Variants in RAG2 observed in about 807,000 individuals in gnomAD.
The protein encoded by RAG2 is recombination activating 2, also known as V(D)J recombination-activating protein 2.
RAG2 carries 16 observed loss-of-function variants against 31.8 expected under a neutral mutation model. That is an observed-to-expected ratio of 0.50 (90% confidence interval 0.34 to 0.76). The LOEUF (loss-of-function observed/expected upper bound fraction) is 0.76. Ranked by LOEUF, RAG2 falls within the 30% of genes least tolerant of loss-of-function variation. RAG2 has a pLI of 0.01. For synonymous variants in RAG2, 199 were observed against 215.9 expected (o/e 0.92, Z 0.68); for missense variants, 622 against 628.5 (o/e 0.99, Z 0.11).
rs1204454135 is a variant in RAG2 at position 36,592,722 on chromosome 11, C to T, written c.1447G>A (p.Glu483Lys). The T allele has an allele frequency of 1.2e-6, 2 of 1,613,364 alleles. No homozygotes were observed. Among genetic ancestry groups the T allele is most frequent in the Non-Finnish European group, 1.7e-6 (2 of 1,179,822 alleles). The change falls in exon 2 of 2, where the codon GAG becomes AAG. Residue 483 changes from glutamate to lysine, a missense_variant. Coordinates refer to ENST00000311485, the MANE Select transcript of RAG2 (RefSeq NM_000536.4). ...SNKYYCNEHV[E>K]IARALHTPQR... Reference sequence around the variant, plus strand: ...GGAGTGTGTAGAGCTCTTGCTATCTCCACATGCTCATTGCAGTAATACTTG... The same window carrying T: ...GGAGTGTGTAGAGCTCTTGCTATCTTCACATGCTCATTGCAGTAATACTTG...
intron 1 of RAG2, among the ~76,000 whole-genome samples, chr11:36,596,227 T>G (rs1054553444): frequency 4.0e-5 from 6 of 150,786 alleles, no homozygotes; most frequent in Non-Finnish European, 8.9e-5. Context: ...TTTTTGTTTT[T>G]TTTTTTTTTT....
In RAG2 at chr11:36,593,484, G is replaced by A. The variant is rs765298019; in HGVS notation, c.685C>T (p.Arg229Trp). ...LGGHSLANNIRPANLYRIRVD... is the reference protein window; with the variant it reads ...LGGHSLANNIWPANLYRIRVD... Reference sequence around the variant, plus strand: ...CTTATTCTGTACAGGTTGGCAGGCCGGATATTATTGGCAAGTGAATGTCCT... The same window carrying A: ...CTTATTCTGTACAGGTTGGCAGGCCAGATATTATTGGCAAGTGAATGTCCT... Residue 229 changes from arginine to tryptophan, a missense_variant, in exon 2 of 2, where the codon CGG (arginine) becomes TGG (tryptophan). Coordinates refer to ENST00000311485, the MANE Select transcript of RAG2 (RefSeq NM_000536.4). 8.7e-6 allele frequency: 14 copies of A among 1,613,848 alleles called. No homozygotes were observed. Among genetic ancestry groups the A allele is most frequent in the South Asian group, 2.2e-5 (2 of 91,092 alleles).
rs748017653 is a variant in RAG2 at position 36,593,418 on chromosome 11, CT to C, written c.750del (p.Val251SerfsTer13). ...GAGACAGAGATTCCTCCTGGCAAGA[CT>C]GTGCAATTCACAGCTGGGCTACCCA... is the stretch of plus-strand genomic sequence containing the variant. ...LPLGSPAVNC[T>X]VLPGGISVSS... On this transcript the variant is annotated frameshift_variant, in exon 2 of 2. Transcript: ENST00000311485. LOFTEE classifies it high-confidence loss of function. 1 of 1,614,050 alleles carries C rather than the reference CT, an allele frequency of 6.2e-7. No homozygotes were observed. The highest frequency in any genetic ancestry group is 1.1e-5 in the South Asian group (1 of 91,074).
Position 36,593,646 on chromosome 11 carries a change from C to T in RAG2, c.523G>A (p.Val175Ile). ...AAAACACAGGGCAGGCAGTCAGCTA[C>T]ACTATTCCATTTTTCTGTGGTTCTG... Reference protein sequence around the residue: ...THRTTEKWNSVADCLPCVFLV... With the variant: ...THRTTEKWNSIADCLPCVFLV... Residue 175 changes from valine to isoleucine, a missense_variant, in exon 2 of 2, where the codon GTA (valine) becomes ATA (isoleucine). By Grantham distance (29) the Val-to-Ile change is conservative (BLOSUM62 3). Coordinates refer to ENST00000311485, the MANE Select transcript of RAG2 (RefSeq NM_000536.4). 6.2e-7 allele frequency: 1 copy of T among 1,614,182 alleles called. No individual in the cohort carries two copies. Among genetic ancestry groups the T allele is most frequent in the Non-Finnish European group, 8.5e-7 (1 of 1,180,030 alleles).
chr11:36,593,140 G>C lies in RAG2; in HGVS notation c.1029C>G (p.Phe343Leu), dbSNP rs747177680. 6.2e-7 allele frequency: 1 copy of C among 1,614,114 alleles called. No individual in the cohort carries two copies. Among genetic ancestry groups the C allele is most frequent in the African/African-American group, 1.3e-5 (1 of 75,004 alleles). ...CAGCACATTTCAACATATAGAAATA[G>C]AATCCTTCTGAAACAACTTGTTTAT... ...GDNKQVVSEGFYFYMLKCAED... is the reference protein window; with the variant it reads ...GDNKQVVSEGLYFYMLKCAED... Residue 343 changes from phenylalanine (F) to leucine (L), a missense_variant, in exon 2 of 2, where the codon TTC becomes TTG. Coordinates refer to ENST00000311485, the MANE Select transcript of RAG2 (RefSeq NM_000536.4).
Position 36,593,011 on chromosome 11 carries a change from GAAAC to G in RAG2, c.1154_1157del (p.Cys385SerfsTer58), listed in dbSNP as rs767854656. ...CATCAAAACTATTTGCTTCTGCACTGAAACAAAATTCTTCAGAGTCTTCAAAGGG... is the reference window on the plus strand; with the variant it reads ...CATCAAAACTATTTGCTTCTGCACTGAAAATTCTTCAGAGTCTTCAAAGGG... On this transcript the variant is annotated frameshift_variant, in exon 2 of 2. Coordinates refer to ENST00000311485, the MANE Select transcript of RAG2 (RefSeq NM_000536.4). LOFTEE classifies it high-confidence loss of function. 6.2e-7 allele frequency: 1 copy of G among 1,614,136 alleles called. No individual in the cohort carries two copies. Among genetic ancestry groups the G allele is most frequent in the South Asian group, 1.1e-5 (1 of 91,076 alleles).
chr11:36,592,736 C>T lies in RAG2; in HGVS notation c.1433G>A (p.Cys478Tyr), dbSNP rs121918573. The T allele has an allele frequency of 3.7e-6, 6 of 1,610,610 alleles. No individual in the cohort carries two copies. Among genetic ancestry groups the T allele is most frequent in the South Asian group, 1.1e-5 (1 of 90,812 alleles). ...HLSAGSNKYY[C>Y]NEHVEIARAL... ...TCTTGCTATCTCCACATGCTCATTGCAGTAATACTTGTTGCTTCCTGCTGA... is the reference window on the plus strand; with the variant it reads ...TCTTGCTATCTCCACATGCTCATTGTAGTAATACTTGTTGCTTCCTGCTGA... The change falls in exon 2 of 2, where the codon TGC becomes TAC. Residue 478 changes from cysteine to tyrosine, a missense_variant. Coordinates refer to ENST00000311485, the MANE Select transcript of RAG2 (RefSeq NM_000536.4).
rs951628657 is a variant in RAG2, at chr11:36,592,240, T to C, written c.*345A>G. On this transcript the variant is annotated 3_prime_UTR_variant, in exon 2 of 2. Coordinates refer to ENST00000311485, the MANE Select transcript of RAG2 (RefSeq NM_000536.4). ...AATTTGTCATAAACACTTTATAGGT[T>C]ATTTGTTACCAAGACTTATATAATA... 1.0e-4 allele frequency: 28 copies of C among 273,510 alleles called. 1 individual carries two copies. Among genetic ancestry groups the C allele is most frequent in the Non-Finnish European group, 5.6e-5 (8 of 142,160 alleles). 16.9% of individuals were successfully genotyped at this position (273,510 alleles called of 1,614,324 possible). A position where few individuals can be genotyped will look rare whatever the true frequency, so the allele number is the denominator to read the frequency against.
At chr11:36,595,553 T>C (rs1210535779) in intron 1 of RAG2, among the ~76,000 whole-genome samples, 1 of 152,250 alleles carries the variant, frequency 6.6e-6, no homozygotes, top group African/African-American at 2.4e-5. Context: ...GTGTGGACTC[T>C]GAATGCTTAC....
Position 36,592,807 on chromosome 11 carries a change from G to C in RAG2, c.1362C>G (p.Val454=). ...CTGCCAGATCCATGCACTGAGCATG[G>C]ACCCAGTGCCCATCCCCATGAGAGC... ...IYCSHGDGHW[V]HAQCMDLAER... Residue 454 remains valine, a synonymous_variant, in exon 2 of 2, where the codon GTC becomes GTG. Transcript: ENST00000311485. The C allele has an allele frequency of 6.2e-7, 1 of 1,614,116 alleles. No individual in the cohort carries two copies. The highest frequency in any genetic ancestry group is 8.5e-7 in the Non-Finnish European group (1 of 1,180,034).
chr11:36,593,313 T>C lies in RAG2; in HGVS notation c.856A>G (p.Ile286Val). ...TCCTCTAAAGAGATGATGTTGCAGATCATTCTTTTTTGATTTTCAAGCTGA... is the reference window on the plus strand; with the variant it reads ...TCCTCTAAAGAGATGATGTTGCAGACCATTCTTTTTTGATTTTCAAGCTGA... ...GYQLENQKRM[I>V]CNIISLEDNK... is the part of the protein sequence containing the mutation. Residue 286 changes from isoleucine to valine, a missense_variant, in exon 2 of 2, where the codon ATC becomes GTC. Transcript: ENST00000311485. 1.2e-6 allele frequency: 2 copies of C among 1,614,146 alleles called. No homozygotes were observed. The highest frequency in any genetic ancestry group is 1.7e-6 in the Non-Finnish European group (2 of 1,180,024).
At position 36,592,853 on chromosome 11, in the gene RAG2, T is replaced by C. The variant is rs767223651; in HGVS notation, c.1316A>G (p.Asn439Ser). The C allele has an allele frequency of 8.1e-6, 13 of 1,614,114 alleles. No individual in the cohort carries two copies. The highest frequency in any genetic ancestry group is 8.5e-7 in the Non-Finnish European group (1 of 1,180,012). ...AGAGCAGTAGATCATGGCGGGTTTG[T>C]TGAGCTCAGTTGAATAGAATGGTAC... is the stretch of plus-strand genomic sequence containing the variant. ...TWVPFYSTEL[N>S]KPAMIYCSHG... is the part of the protein sequence containing the mutation. The change falls in exon 2 of 2, where the codon AAC (asparagine) becomes AGC (serine). Residue 439 changes from asparagine (N) to serine (S), a missense_variant. Physicochemically the swap from Asn to Ser is conservative, Grantham distance 46. Coordinates refer to ENST00000311485, the MANE Select transcript of RAG2 (RefSeq NM_000536.4).
In RAG2 at chr11:36,592,322, T is replaced by C. The variant is rs1449642839; in HGVS notation, c.*263A>G. Reference sequence around the variant, plus strand: ...TTCTGGGTGTTTAAGGTTTGTTGAATAAAAAATCAGATCAGAAATCCTCAG... The same window carrying C: ...TTCTGGGTGTTTAAGGTTTGTTGAACAAAAAATCAGATCAGAAATCCTCAG... On this transcript the variant is annotated 3_prime_UTR_variant, in exon 2 of 2. Coordinates refer to ENST00000311485, the MANE Select transcript of RAG2 (RefSeq NM_000536.4). 6.5e-6 allele frequency: 3 copies of C among 461,916 alleles called. No homozygotes were observed. The East Asian group carries it at 1.3e-4, about 20-fold the overall frequency. 28.6% of individuals were successfully genotyped at this position (461,916 alleles called of 1,614,324 possible). A position where few individuals can be genotyped will look rare whatever the true frequency, so the allele number is the denominator to read the frequency against.
intron 1 of RAG2, chr11:36,594,421 G>C (rs1305695951): frequency 2.5e-5 from 13 of 530,248 alleles, no homozygotes; most frequent in African/African-American, 5.7e-5. Context: ...ATGCTCCCTA[G>C]GATTTCTGGG....
At position 36,594,183 on chromosome 11, in the gene RAG2, C is replaced by T. The variant is rs766352307; in HGVS notation, c.-15G>A. ...TGCAGAGACATAGTTTCTGATGGTA[C>T]GTAGATTTTTGTCTGAAAGAATTAT... On this transcript the variant is annotated 5_prime_UTR_variant, in exon 2 of 2. Coordinates refer to ENST00000311485, the MANE Select transcript of RAG2 (RefSeq NM_000536.4). The T allele has an allele frequency of 1.0e-5, 16 of 1,565,494 alleles. No homozygotes were observed. The highest frequency in any genetic ancestry group is 1.1e-5 in the Non-Finnish European group (13 of 1,136,206).
rs1206909093 is a variant in RAG2 at position 36,593,118 on chromosome 11, C to A, written c.1051G>T (p.Ala351Ser). ...TGCTCTTCATTAGTATCATCTTCAG[C>A]ACATTTCAACATATAGAAATAGAAT... is the stretch of plus-strand genomic sequence containing the variant. Reference protein sequence around the residue: ...EGFYFYMLKCAEDDTNEEQTT... With the variant: ...EGFYFYMLKCSEDDTNEEQTT... Residue 351 changes from alanine (A) to serine (S), a missense_variant, in exon 2 of 2, where the codon GCT (alanine) becomes TCT (serine). Coordinates refer to ENST00000311485, the MANE Select transcript of RAG2 (RefSeq NM_000536.4). 1.2e-6 allele frequency: 2 copies of A among 1,614,108 alleles called. No individual in the cohort carries two copies. The highest frequency in any genetic ancestry group is 1.7e-6 in the Non-Finnish European group (2 of 1,179,984).
chr11:36,591,881 T>A (rs930424023), downstream of RAG2: 27 of 152,322 alleles, frequency 1.8e-4, no homozygotes, highest in African/African-American at 5.5e-4. Context: ...ATGCATCATA[T>A]AATGGGGAGG....
intron 1 of RAG2, chr11:36,594,984 A>G (rs539949074): frequency 1.3e-5 from 2 of 152,390 alleles, no homozygotes; most frequent in Admixed American, 1.3e-4. Context: ...CAGAACCGAA[A>G]GATGGATCTT....
rs1851110386 is a variant in RAG2 at position 36,594,177 on chromosome 11, A to G, written c.-9T>C. 4 of 1,574,462 alleles carry G rather than the reference A, an allele frequency of 2.5e-6. No homozygotes were observed. Among genetic ancestry groups the G allele is most frequent in the South Asian group, 2.2e-5 (2 of 90,214 alleles). On this transcript the variant is annotated 5_prime_UTR_variant, in exon 2 of 2. Transcript: ENST00000311485. ...ACCATCTGCAGAGACATAGTTTCTG[A>G]TGGTACGTAGATTTTTGTCTGAAAG...
Sources: allele counts gnomAD v4.1 joint callset (sites outside exome capture counted in the v4.1 genomes callset), GRCh38; gene constraint gnomAD v4.1.1; transcripts MANE v1.5; gene names NCBI Gene and HGNC (gene_info 2026-07-23, HGNC 2026-07-21).